CES4A: variants seen among roughly 807,000 people sequenced by gnomAD.
CES4A encodes the protein carboxylesterase 6.
In CES4A, 48 loss-of-function variants were observed where a neutral mutation model predicts 65.4. The ratio of observed to expected loss-of-function variants is 0.73; its 90% CI spans 0.58 to 0.93. The LOEUF is 0.93. Ranked by LOEUF, CES4A falls within the 40% of genes least tolerant of loss-of-function variation. The pLI, the probability that CES4A is intolerant of heterozygous loss-of-function variation, is 0.00. For synonymous variants in CES4A, 247 were observed against 281.8 expected, an observed-to-expected ratio of 0.88 and a Z score of 1.24; for missense variants, 685 against 728.5, an observed-to-expected ratio of 0.94 and a Z score of 0.69.
Position 67,003,449 on chromosome 16 carries a change from G to A in CES4A, c.901-66G>A. ...CAGCCACCCCCAACTACTTCCCCAG[G>A]GACCCTGTCTCAAGAGCACACGAGG... On this transcript the variant is annotated intron_variant, in intron 7 of 13. Coordinates refer to ENST00000648724, the Ensembl canonical transcript of CES4A. This position sits in a 1 kb window ranked among gnomAD's most constrained non-coding sequence, Gnocchi z 4.2. 1.3e-6 allele frequency: 2 copies of A among 1,591,318 alleles called. No homozygotes were observed. Among genetic ancestry groups the A allele is most frequent in the Non-Finnish European group, 8.6e-7 (1 of 1,159,502 alleles).
intron 13 of CES4A, 124 bp downstream of exon 13, chr16:67,006,941 G>C: frequency 1.2e-6 from 1 of 818,070 alleles, no homozygotes; most frequent in African/African-American, 1.7e-5. Context: ...CCCAAACAGG[G>C]TGCCCCTTCT....
chr16:66,995,696 G>A, exon 2 of CES4A: 1 of 1,614,234 alleles, frequency 6.2e-7, no homozygotes, highest in African/African-American at 1.3e-5. Context: ...ACAGATGCAT[G>A]TGGGGAAGAC....
In CES4A at chr16:67,000,461, C is replaced by T; in HGVS notation, c.261-177C>T. On this transcript the variant is annotated intron_variant, in intron 2 of 13. Coordinates refer to ENST00000648724, the Ensembl canonical transcript of CES4A. This position sits in a 1 kb window ranked among gnomAD's most constrained non-coding sequence, Gnocchi z 4.2. ...GTTCCTGAGAGGCCAACCTGCCTCC[C>T]AGTCCTGGGCCCCGGGGCTGGCGGA... 7.1e-7 allele frequency: 1 copy of T among 1,416,770 alleles called. No individual in the cohort carries two copies. The highest frequency in any genetic ancestry group is 9.2e-7 in the Non-Finnish European group (1 of 1,089,408). 87.8% of individuals were successfully genotyped at this position (1,416,770 alleles called of 1,614,324 possible). A position where few individuals can be genotyped will look rare whatever the true frequency, so the allele number is the denominator to read the frequency against.
At chr16:67,010,065 GTTTTT>G (rs559214962), downstream of CES4A, among the ~76,000 whole-genome samples, 2 of 136,982 alleles carry the variant, frequency 1.5e-5, no homozygotes, top group East Asian at 4.2e-4. Flanking sequence ...GTTTTGTGGG[GTTTTT>G]TTTTTTTTTT....
At chr16:66,990,144 G>A (rs911430273) in intron 1 of CES4A, among the ~76,000 whole-genome samples, 10 of 141,226 alleles carry the variant, frequency 7.1e-5, no homozygotes, top group Admixed American at 4.6e-4. Flanking sequence ...TCCACCTCCC[G>A]GGTTCAAGCA....
downstream of CES4A, among the ~76,000 whole-genome samples, chr16:67,009,976 C>G (rs1036757932): frequency 6.6e-6 from 1 of 151,942 alleles, no homozygotes; most frequent in African/African-American, 2.4e-5. Flanking sequence ...CAGTTTAGGT[C>G]TTAGTGCCAC....
exon 14 of CES4A, chr16:67,009,001 C>T: frequency 1.2e-6 from 2 of 1,614,066 alleles, no homozygotes; most frequent in Non-Finnish European, 8.5e-7. Context: ...ATCTGCCCTG[C>T]TGGCCACGCT....
chr16:66,997,948 A>AACACAC (rs57562021), intron 2 of CES4A, among the ~76,000 whole-genome samples: 87 of 127,378 alleles, frequency 6.8e-4, no homozygotes, highest in Admixed American at 1.9e-3. Flanking sequence ...CCCTATCTAA[A>AACACAC]ACACACACAC....
exon 13 of CES4A, chr16:67,006,746 C>G: frequency 1.2e-6 from 2 of 1,614,084 alleles, no homozygotes; most frequent in Non-Finnish European, 1.7e-6. Context: ...TGCCCCCAGG[C>G]CTTTCCATGG....
rs925274744 is a variant in CES4A at position 66,994,531 on chromosome 16, T to C, written c.59-1097T>C. 7.1e-4 allele frequency among the ~76,000 whole-genome samples: 107 copies of C among 150,930 alleles called. 2 individuals are homozygous for C. Among genetic ancestry groups the C allele is most frequent in the East Asian group, 4.0e-4 (2 of 4,948 alleles). The stretch of plus-strand genomic sequence containing the variant: ...CAGCCGACATGAACTTTTATATGCT[T>C]ACTGATAGGGATTTGAAATGTTAAA... On this transcript the variant is annotated intron_variant, in intron 1 of 13. Coordinates refer to ENST00000648724, the Ensembl canonical transcript of CES4A.
At chr16:66,996,909 A>G (rs1003114425) in intron 2 of CES4A, among the ~76,000 whole-genome samples, 1 of 152,086 alleles carries the variant, frequency 6.6e-6, no homozygotes, top group African/African-American at 2.4e-5. Flanking sequence ...TTAAAAAAAT[A>G]TCTGGGGGTG....
chr16:67,002,315 C>G (rs1965423263), intron 5 of CES4A, among the ~76,000 whole-genome samples: 3 of 152,110 alleles, frequency 2.0e-5, no homozygotes, highest in African/African-American at 7.2e-5. Context: ...GTGACATGAT[C>G]AGATGTGCAT....
intron 13 of CES4A, 40 bp from the exon 14 acceptor site, chr16:67,008,934 A>G: frequency 6.3e-7 from 1 of 1,585,552 alleles, no homozygotes; most frequent in Non-Finnish European, 8.6e-7. Flanking sequence ...GCAGGATGAA[A>G]AGGAACACAG....
At chr16:66,992,558 G>A (rs79407475) in intron 1 of CES4A, among the ~76,000 whole-genome samples, 27 of 152,348 alleles carry the variant, frequency 1.8e-4, no homozygotes, top group African/African-American at 6.5e-4. Flanking sequence ...AGGTGATTCT[G>A]ATGCACAGAT....
chr16:66,989,629 G>A (rs1169098724), intron 1 of CES4A, among the ~76,000 whole-genome samples: 4 of 151,890 alleles, frequency 2.6e-5, no homozygotes, highest in African/African-American at 7.3e-5. Flanking sequence ...AGGCCGAAGC[G>A]GGCAGATCAC....
chr16:67,006,370 C>T (rs1176402267), intron 11 of CES4A, 21 bp from the exon 12 acceptor site: 1 of 1,536,452 alleles, frequency 6.5e-7, no homozygotes, highest in Admixed American at 2.0e-5. Flanking sequence ...CTGCATCCCT[C>T]CTCAGTTTCC....
intron 5 of CES4A, among the ~76,000 whole-genome samples, chr16:67,002,199 C>G (rs750641104): frequency 1.3e-5 from 2 of 152,066 alleles, no homozygotes; most frequent in Non-Finnish European, 2.9e-5. Flanking sequence ...GAGTTTCGCT[C>G]TTGTTGCCCA....
intron 11 of CES4A, chr16:67,006,046 G>C (rs1457691798): frequency 1.6e-5 from 4 of 245,826 alleles, no homozygotes; most frequent in Non-Finnish European, 3.2e-5. Flanking sequence ...AGGGGGGGGG[G>C]CTGGAAAATG....
intron 2 of CES4A, among the ~76,000 whole-genome samples, chr16:66,997,450 T>C (rs1322053558): frequency 1.3e-5 from 2 of 152,090 alleles, no homozygotes; most frequent in Non-Finnish European, 2.9e-5. Context: ...TCAAAGATAG[T>C]AGTTTCTGCC....
Sources: allele counts gnomAD v4.1 joint callset (sites outside exome capture counted in the v4.1 genomes callset), GRCh38; gene constraint gnomAD v4.1.1; non-coding constraint Gnocchi (gnomAD v3.1); transcripts MANE v1.5; gene names NCBI Gene and HGNC (gene_info 2026-07-23, HGNC 2026-07-21).